Variants in SRGAP2B observed in about 807,000 individuals in gnomAD.
The protein encoded by SRGAP2B is SLIT-ROBO Rho GTPase-activating protein 2B.
In SRGAP2B, 9 loss-of-function variants were observed where a neutral mutation model predicts 22.2. That is an observed-to-expected ratio of 0.41 (90% CI 0.24 to 0.71). SRGAP2B has a LOEUF of 0.71. Among genes scored for constraint, SRGAP2B ranks in the 30% least tolerant of loss-of-function variants. SRGAP2B has a pLI of 0.35. For missense variants in SRGAP2B, 114 were observed against 235.8 expected, an observed-to-expected ratio of 0.48 and a Z score of 3.38; for synonymous variants, 36 against 87.4, an observed-to-expected ratio of 0.41 and a Z score of 3.28.
chr1:144,928,506 C>T (rs1235973595), intron 4 of SRGAP2B, among the ~76,000 whole-genome samples: 22 of 132,802 alleles, frequency 1.7e-4, no homozygotes, highest in Admixed American at 3.0e-4. Context: ...GGCGCGATCT[C>T]TGCTCACTGC....
At chr1:144,932,247 G>A (rs1164379363) in intron 4 of SRGAP2B, among the ~76,000 whole-genome samples, 1 of 149,500 alleles carries the variant, frequency 6.7e-6, no homozygotes, top group Non-Finnish European at 1.5e-5. Flanking sequence ...ATTGAGCTGT[G>A]TCTCTGGCAT....
At chr1:144,922,956 G>A (rs1553604494) in intron 4 of SRGAP2B, among the ~76,000 whole-genome samples, 1 of 151,320 alleles carries the variant, frequency 6.6e-6, no homozygotes, top group East Asian at 1.9e-4. Flanking sequence ...TTGGCATGAT[G>A]TGAACTTCGT....
intron 3 of SRGAP2B, among the ~76,000 whole-genome samples, chr1:144,981,073 G>A (rs1570918665): frequency 6.7e-6 from 1 of 149,966 alleles, no homozygotes; most frequent in East Asian, 1.9e-4. Flanking sequence ...AAACACGTAT[G>A]GCAGAGACTG....
intron 2 of SRGAP2B, among the ~76,000 whole-genome samples, chr1:145,019,916 G>A (rs1302335790): frequency 1.3e-5 from 2 of 150,962 alleles, no homozygotes; most frequent in African/African-American, 4.9e-5. Context: ...CAGCCACAGT[G>A]GCCTTCTTGC....
intron 3 of SRGAP2B, among the ~76,000 whole-genome samples, chr1:144,993,020 T>C (rs1389447889): frequency 5.9e-5 from 9 of 151,638 alleles, no homozygotes; most frequent in Non-Finnish European, 1.3e-4. Context: ...GAAAGTTTCC[T>C]GGAACAGGGA....
At chr1:144,910,219 GATTCA>G (rs1391245563) in intron 5 of SRGAP2B, among the ~76,000 whole-genome samples, 3 of 149,138 alleles carry the variant, frequency 2.0e-5, no homozygotes, top group Non-Finnish European at 4.4e-5. Flanking sequence ...TGGCAATAAA[GATTCA>G]ATTCAAGTAT....
At chr1:144,943,927 T>C (rs1553607906) in intron 4 of SRGAP2B, among the ~76,000 whole-genome samples, 1 of 150,592 alleles carries the variant, frequency 6.6e-6, no homozygotes, top group African/African-American at 2.5e-5. Context: ...GTAAGGAAGA[T>C]AGAATTTGGC....
intron 2 of SRGAP2B, among the ~76,000 whole-genome samples, chr1:145,056,902 G>A (rs1454118149): frequency 7.6e-5 from 10 of 132,286 alleles, no homozygotes; most frequent in Non-Finnish European, 3.3e-5. Flanking sequence ...AGATCAACAC[G>A]AGGGCAGAGA....
At chr1:145,017,527 T>G (rs1287006128) in intron 2 of SRGAP2B, among the ~76,000 whole-genome samples, 1 of 149,610 alleles carries the variant, frequency 6.7e-6, no homozygotes, top group East Asian at 1.9e-4. Flanking sequence ...AATGGCACAT[T>G]TCTCAGAATA....
chr1:144,969,685 A>G (rs1668354279), intron 3 of SRGAP2B, among the ~76,000 whole-genome samples: 1 of 150,662 alleles, frequency 6.6e-6, no homozygotes, highest in South Asian at 2.1e-4. Context: ...AGCAAAAGAA[A>G]CTACCATCAG....
intron 2 of SRGAP2B, among the ~76,000 whole-genome samples, chr1:145,067,260 G>T (rs1305848443): frequency 1.4e-5 from 2 of 145,734 alleles, no homozygotes; most frequent in Non-Finnish European, 3.0e-5. Context: ...TTGCACTCCA[G>T]CCTGGACAAC....
intron 2 of SRGAP2B, among the ~76,000 whole-genome samples, chr1:145,064,660 C>A (rs1159002153): frequency 6.7e-6 from 1 of 149,628 alleles, no homozygotes; most frequent in Non-Finnish European, 1.5e-5. Context: ...GAGAAGAAAT[C>A]TGAGTCTGTC....
At chr1:145,013,089 A>G (rs1345611012) in intron 2 of SRGAP2B, among the ~76,000 whole-genome samples, 1 of 150,942 alleles carries the variant, frequency 6.6e-6, no homozygotes, top group Admixed American at 6.6e-5. Context: ...TCTCCAAAAA[A>G]AAGTGTGATG....
chr1:145,068,218 A>C (rs1290585432), intron 2 of SRGAP2B, among the ~76,000 whole-genome samples: 4 of 146,290 alleles, frequency 2.7e-5, no homozygotes, highest in Non-Finnish European at 4.5e-5. Context: ...AAAAAAAAAA[A>C]AAAAAAAAAC....
At chr1:144,955,660 A>G (rs1296946241) in intron 3 of SRGAP2B, 59 bp from the exon 4 acceptor site, 2 of 606,026 alleles carry the variant, frequency 3.3e-6, no homozygotes, top group Non-Finnish European at 5.9e-6. Context: ...GGCAACATCT[A>G]CAACTATAGT....
chr1:144,994,604 G>C (rs1216411854), intron 3 of SRGAP2B, among the ~76,000 whole-genome samples: 2 of 142,904 alleles, frequency 1.4e-5, no homozygotes, highest in Non-Finnish European at 3.1e-5. Context: ...GAGAGAGAGA[G>C]AGAGAGACAG....
intron 2 of SRGAP2B, among the ~76,000 whole-genome samples, chr1:144,997,230 C>T (rs1470901204): frequency 6.6e-6 from 1 of 150,526 alleles, no homozygotes; most frequent in Non-Finnish European, 1.5e-5. Flanking sequence ...AGATCGAGAC[C>T]ATCATGGCTA....
chr1:145,063,665 T>C (rs1378237625), intron 2 of SRGAP2B, among the ~76,000 whole-genome samples: 4 of 149,332 alleles, frequency 2.7e-5, no homozygotes, highest in Non-Finnish European at 5.9e-5. Context: ...GCTGCACCAA[T>C]CTGCTTCCCA....
rs1192600476 is a variant in SRGAP2B, at chr1:144,904,698, CAAAAAAAAAAAA to C, written c.831+381_831+392del. Among the ~76,000 whole-genome samples the C allele has an allele frequency of 7.1e-4, 12 of 16,934 alleles. No homozygotes were observed. The South Asian group carries it at 0.031, about 44-fold the overall frequency. 11.1% of individuals were successfully genotyped at this position (16,934 alleles called of 152,430 possible). A position where few individuals can be genotyped will look rare whatever the true frequency, so the allele number is the denominator to read the frequency against. On this transcript the variant is annotated intron_variant, in intron 7 of 9. Coordinates refer to ENST00000612199, the Ensembl canonical transcript of SRGAP2B. ...TGGGGGACAAAGCAAGACTCTATCT[CAAAAAAAAAAAA>C]AAAAAAAAAAAAAAAGGAAGAAAGT... is the stretch of plus-strand genomic sequence containing the variant.
Sources: gnomAD v4.1 joint callset for allele counts (sites outside exome capture counted in the v4.1 genomes callset) on GRCh38, gnomAD v4.1.1 for gene constraint, MANE v1.5 for transcripts, NCBI Gene and HGNC (gene_info 2026-07-23, HGNC 2026-07-21) for gene names.